Variants in FLT1 observed in about 807,000 individuals in gnomAD.
FLT1 encodes the protein vascular endothelial growth factor receptor 1.
FLT1 carries 49 observed loss-of-function variants against 156.3 expected under a neutral mutation model. The observed-to-expected ratio is 0.31, with a 90% CI of 0.25 to 0.40. The LOEUF (loss-of-function observed/expected upper bound fraction) is 0.40. Among genes scored for constraint, FLT1 ranks in the 10% least tolerant of loss-of-function variants. FLT1 has a pLI of 1.00. For synonymous variants in FLT1, 594 were observed against 583.8 expected, an observed-to-expected ratio of 1.02 and a Z score of -0.25; for missense variants, 1,322 against 1,637.2, an observed-to-expected ratio of 0.81 and a Z score of 3.32.
intron 14 of FLT1, among the ~76,000 whole-genome samples, chr13:28,373,643 T>C (rs1300934566): frequency 6.6e-6 from 1 of 152,118 alleles, no homozygotes; most frequent in Non-Finnish European, 1.5e-5. Context: ...CATGAAAGCA[T>C]GTTTAAGGGA....
intron 3 of FLT1, among the ~76,000 whole-genome samples, chr13:28,462,517 T>G (rs1879635654): frequency 1.3e-5 from 2 of 152,264 alleles, no homozygotes; most frequent in African/African-American, 4.8e-5. Context: ...GTTTCGTAGC[T>G]ATAATTAGAT....
rs868598005 is a variant in FLT1 at position 28,494,822 on chromosome 13, C to T, written c.22G>A (p.Gly8Arg). ...CTGAGCAGCGCGCACAGCAGGACCC[C>T]GGTGTCCCAGTAGCTGACCATGGTG... MVSYWDT[G>R]VLLCALLSCL... The change falls in exon 1 of 30, where the codon GGG becomes AGG. Residue 8 changes from glycine (G) to arginine (R), a missense_variant. Gly to Arg is a moderately radical substitution (Grantham distance 125). This residue lies in a region of FLT1 where 991 missense variants were observed against 1,254.8 expected (regional missense o/e 0.79). Coordinates refer to ENST00000282397, the MANE Select transcript of FLT1 (RefSeq NM_002019.4). 2 of 1,572,942 alleles carry T rather than the reference C, an allele frequency of 1.3e-6. No homozygotes were observed.
chr13:28,327,756 C>CAAAAAAAAAAAAA (rs56031277), intron 19 of FLT1, among the ~76,000 whole-genome samples: 2 of 122,760 alleles, frequency 1.6e-5, no homozygotes, highest in Admixed American at 8.2e-5. Context: ...AATTGAAATA[C>CAAAAAAAAAAAAA]AAAAAAAAAA....
chr13:28,370,228 C>T (rs113281624), intron 14 of FLT1, among the ~76,000 whole-genome samples: 293 of 151,928 alleles, frequency 1.9e-3, no homozygotes, highest in Middle Eastern at 3.4e-3. Flanking sequence ...CTCACTGTAA[C>T]CTCTGAATAA....
chr13:28,412,350 C>CTTTTCTTTCTTTCTTTTTCTTTCTT lies in FLT1; in HGVS notation c.1437-6457_1437-6456insAAGAAAGAAAAAGAAAGAAAGAAAA, dbSNP rs71086853. Among the ~76,000 whole-genome samples, 10 of 93,680 alleles carry CTTTTCTTTCTTTCTTTTTCTTTCTT rather than the reference C, an allele frequency of 1.1e-4. 1 individual carries two copies. Among genetic ancestry groups the CTTTTCTTTCTTTCTTTTTCTTTCTT allele is most frequent in the Admixed American group, 3.2e-4 (3 of 9,486 alleles). 61.5% of individuals were successfully genotyped at this position (93,680 alleles called of 152,430 possible). Reference sequence around the variant, plus strand: ...CTTTCTTTTCTTTCTTTCTTTCTTTCTCTTTCTTTCTTTCTTTCTTTCTTT... The same window carrying CTTTTCTTTCTTTCTTTTTCTTTCTT: ...CTTTCTTTTCTTTCTTTCTTTCTTTCTTTTCTTTCTTTCTTTTTCTTTCTTTCTTTCTTTCTTTCTTTCTTTCTTT... On this transcript the variant is annotated intron_variant, in intron 10 of 29. Transcript: ENST00000282397.
chr13:28,440,657 G>A (rs944749189), intron 3 of FLT1, among the ~76,000 whole-genome samples: 1 of 152,110 alleles, frequency 6.6e-6, no homozygotes, highest in Non-Finnish European at 1.5e-5. Flanking sequence ...TTCAGAGTAC[G>A]CCTCAAAGCC....
At chr13:28,420,832 A>G (rs1393228174) in intron 10 of FLT1, among the ~76,000 whole-genome samples, 1 of 152,170 alleles carries the variant, frequency 6.6e-6, no homozygotes, top group Non-Finnish European at 1.5e-5. Flanking sequence ...TTTCCCCCAA[A>G]TGATCTATCC....
At chr13:28,431,080 A>C (rs1214675136) in intron 7 of FLT1, 56 bp downstream of exon 7, 1 of 1,418,336 alleles carries the variant, frequency 7.1e-7, no homozygotes, top group Non-Finnish European at 1.0e-6. Flanking sequence ...GAGAACACAG[A>C]CATCTACAAT....
chr13:28,413,047 TG>T (rs1876409672), intron 10 of FLT1, among the ~76,000 whole-genome samples: 1 of 151,910 alleles, frequency 6.6e-6, no homozygotes, highest in Admixed American at 6.6e-5. Flanking sequence ...TCTTGTGCAG[TG>T]AGAGACCTTG....
At chr13:28,373,025 T>C (rs993815011) in intron 14 of FLT1, among the ~76,000 whole-genome samples, 2 of 152,168 alleles carry the variant, frequency 1.3e-5, no homozygotes, top group African/African-American at 4.8e-5. Flanking sequence ...TGCAAAACTT[T>C]GTAATATTGA....
intron 3 of FLT1, among the ~76,000 whole-genome samples, chr13:28,444,349 G>C (rs938998454): frequency 6.6e-6 from 1 of 152,138 alleles, no homozygotes; most frequent in African/African-American, 2.4e-5. Context: ...GCTGAGGCAG[G>C]AGACTGGCTT....
chr13:28,432,345 T>G (rs942406379), intron 6 of FLT1, among the ~76,000 whole-genome samples: 2 of 152,180 alleles, frequency 1.3e-5, no homozygotes, highest in Non-Finnish European at 2.9e-5. Context: ...GAGGCCATTT[T>G]CTTCATTCTC....
At chr13:28,479,383 G>A (rs538929581) in intron 1 of FLT1, among the ~76,000 whole-genome samples, 30 of 152,168 alleles carry the variant, frequency 2.0e-4, no homozygotes, top group South Asian at 1.2e-3. Context: ...ATCATGCTTC[G>A]GAAATGGGGT....
At chr13:28,457,818 C>G (rs1305169841) in intron 3 of FLT1, among the ~76,000 whole-genome samples, 1 of 151,718 alleles carries the variant, frequency 6.6e-6, no homozygotes, top group Non-Finnish European at 1.5e-5. Flanking sequence ...AAGTTTTGAT[C>G]AATTGTTTTT....
chr13:28,346,568 A>AAAAAG lies in FLT1; in HGVS notation c.2249-1018_2249-1017insCTTTT, dbSNP rs67973168. ...GATGCCTTCTCTTAAAAAAAAAAAA[A>AAAAAG]ATGTGGTAGCACACACTTGTAATCC... On this transcript the variant is annotated intron_variant, in intron 15 of 29. Coordinates refer to ENST00000282397, the MANE Select transcript of FLT1 (RefSeq NM_002019.4). 2.1e-3 allele frequency among the ~76,000 whole-genome samples: 322 copies of AAAAAG among 150,664 alleles called. 1 individual carries two copies. The highest frequency in any genetic ancestry group is 7.1e-3 in the African/African-American group (289 of 40,948).
intron 24 of FLT1, 142 bp downstream of exon 24, chr13:28,319,281 A>G (rs1477463410): frequency 7.3e-6 from 5 of 681,842 alleles, no homozygotes; most frequent in Non-Finnish European, 1.3e-5. Flanking sequence ...CTCATCTGAG[A>G]GTCTACATGG....
chr13:28,455,890 G>A (rs568866393), intron 3 of FLT1, among the ~76,000 whole-genome samples: 24 of 152,298 alleles, frequency 1.6e-4, no homozygotes, highest in African/African-American at 5.5e-4. Flanking sequence ...TCATGTCATT[G>A]GGAAAATGCA....
chr13:28,334,132 G>A lies in FLT1; in HGVS notation c.2489-3C>T, dbSNP rs772055947. 6.9e-6 allele frequency: 11 copies of A among 1,597,586 alleles called. No homozygotes were observed. The highest frequency in any genetic ancestry group is 9.4e-6 in the Non-Finnish European group (11 of 1,164,872). ...AGCCCCTCTTCCAAGTGATTTGCCT[G>A]TAATGAAGAGAAGACACTGGTTTGT... On this transcript the variant is annotated splice_polypyrimidine_tract_variant and splice_region_variant and intron_variant, in intron 17 of 29. Coordinates refer to ENST00000282397, the MANE Select transcript of FLT1 (RefSeq NM_002019.4).
chr13:28,332,854 G>A (rs1871982551), intron 18 of FLT1, among the ~76,000 whole-genome samples: 1 of 152,222 alleles, frequency 6.6e-6, no homozygotes, highest in South Asian at 2.1e-4. Context: ...TTACATAGAA[G>A]ACATGTTGAT....
Sources: allele counts gnomAD v4.1 joint callset (sites outside exome capture counted in the v4.1 genomes callset), GRCh38; gene constraint gnomAD v4.1.1; regional missense constraint gnomAD v4.1.1; transcripts MANE v1.5; gene names NCBI Gene and HGNC (gene_info 2026-07-23, HGNC 2026-07-21).